The following CTH variants were observed in gnomAD, a reference collection of about 807,000 sequenced individuals.
The protein encoded by CTH is cystathionase (cystathionine gamma-lyase).
Under a neutral mutation model 50.6 loss-of-function variants are expected in CTH, and 41 were observed. That is an observed-to-expected ratio of 0.81 (90% CI 0.63 to 1.05). The LOEUF is 1.05. Among genes scored for constraint, CTH ranks in the 50% least tolerant of loss-of-function variants. The pLI is 0.00. For synonymous variants in CTH, 156 were observed against 168.9 expected, an observed-to-expected ratio of 0.92 and a Z score of 0.59; for missense variants, 470 against 492.6, an observed-to-expected ratio of 0.95 and a Z score of 0.43.
rs1557477215 is a variant in CTH, at chr1:70,439,649, TA to T, written c.*529del. On this transcript the variant is annotated 3_prime_UTR_variant, in exon 12 of 12. Transcript: ENST00000370938. The stretch of plus-strand genomic sequence containing the variant: ...GATTTAAGACTATACTTAATATTTT[TA>T]AAAAAATAAATCAGCTGGGCGCGGT... 6.4e-6 allele frequency: 1 copy of T among 156,544 alleles called. No homozygotes were observed. Among genetic ancestry groups the T allele is most frequent in the Non-Finnish European group, 1.4e-5 (1 of 70,938 alleles). The allele number at this position is 156,544 out of a possible 1,614,324, so 9.7% of individuals were successfully genotyped here.
chr1:70,411,673 A>G (rs1683968626), intron 1 of CTH, 90 bp downstream of exon 1: 1 of 1,523,386 alleles, frequency 6.6e-7, no homozygotes, highest in African/African-American at 1.4e-5. Flanking sequence ...AATTTATAAT[A>G]TGACTTATAA....
chr1:70,423,519 T>C (rs999442152), intron 4 of CTH, among the ~76,000 whole-genome samples: 6 of 151,834 alleles, frequency 4.0e-5, no homozygotes, highest in Non-Finnish European at 5.9e-5. Flanking sequence ...TGCCGTTAGC[T>C]GTGATCATGC....
At chr1:70,420,934 T>C (rs936935847) in intron 3 of CTH, among the ~76,000 whole-genome samples, 1 of 151,992 alleles carries the variant, frequency 6.6e-6, no homozygotes, top group Admixed American at 6.6e-5. Flanking sequence ...GAATATTCTT[T>C]TGTTGTTGTT....
chr1:70,428,839 A>G (rs1226166261), intron 5 of CTH, among the ~76,000 whole-genome samples: 2 of 151,930 alleles, frequency 1.3e-5, no homozygotes, highest in African/African-American at 4.8e-5. Flanking sequence ...GCTCAAACTC[A>G]TGGCCTCAAG....
At chr1:70,436,366 T>A (rs1022053630) in intron 10 of CTH, among the ~76,000 whole-genome samples, 2 of 152,066 alleles carry the variant, frequency 1.3e-5, no homozygotes, top group African/African-American at 4.8e-5. Context: ...TTAATGATTA[T>A]CATTTATTGA....
In CTH at chr1:70,430,294, G is replaced by C. The variant is rs531411011; in HGVS notation, c.647-23G>C. The C allele has an allele frequency of 1.6e-5, 22 of 1,409,146 alleles. No homozygotes were observed. The South Asian group carries it at 2.4e-4, about 16-fold the overall frequency. The allele number at this position is 1,409,146 out of a possible 1,614,324, so 87.3% of individuals were successfully genotyped here. Reference sequence around the variant, plus strand: ...TTGTTTCTAACTGAAATTTTTGTTTGTTTGTTTGTTTTTTGTTTTTAGGCC... The same window carrying C: ...TTGTTTCTAACTGAAATTTTTGTTTCTTTGTTTGTTTTTTGTTTTTAGGCC... On this transcript the variant is annotated intron_variant, in intron 6 of 11. Coordinates refer to ENST00000370938, the MANE Select transcript of CTH (RefSeq NM_001902.6).
intron 3 of CTH, among the ~76,000 whole-genome samples, chr1:70,421,283 G>A (rs1432367048): frequency 6.6e-6 from 1 of 152,176 alleles, no homozygotes; most frequent in East Asian, 1.9e-4. Flanking sequence ...CAGGAAGCAT[G>A]TCACTTAGTG....
chr1:70,413,824 C>T (rs1684028820), intron 1 of CTH, among the ~76,000 whole-genome samples: 1 of 149,688 alleles, frequency 6.7e-6, no homozygotes, highest in South Asian at 2.1e-4. Context: ...CCACTGCATC[C>T]TCCACCTCCT....
chr1:70,438,841 T>TGTGC lies in CTH; in HGVS notation c.1191+18_1191+19insCGTG, dbSNP rs1553128289. The TGTGC allele has an allele frequency of 9.0e-7, 1 of 1,108,342 alleles. No homozygotes were observed. Among genetic ancestry groups the TGTGC allele is most frequent in the South Asian group, 1.4e-5 (1 of 70,390 alleles). The allele number at this position is 1,108,342 out of a possible 1,614,324, so 68.7% of individuals were successfully genotyped here. On this transcript the variant is annotated intron_variant, in intron 11 of 11. Coordinates refer to ENST00000370938, the MANE Select transcript of CTH (RefSeq NM_001902.6). ...TGAAGGCAGCAGTAAGTCTTATTAT[T>TGTGC]GTGTGTGTGTGTGTGTGTGTGTGTG... is the stretch of plus-strand genomic sequence containing the variant.
intron 11 of CTH, 135 bp from the exon 12 acceptor site, chr1:70,438,966 T>A: frequency 6.4e-7 from 1 of 1,568,198 alleles, no homozygotes; most frequent in South Asian, 1.1e-5. Flanking sequence ...ACCAGGTGTA[T>A]AAATAAACGT....
chr1:70,437,885 T>A (rs116767084), intron 10 of CTH, among the ~76,000 whole-genome samples: 2 of 152,232 alleles, frequency 1.3e-5, no homozygotes, highest in Non-Finnish European at 2.9e-5. Flanking sequence ...CTCTCCTCCA[T>A]TATTCTTCAC....
At chr1:70,421,026 A>T (rs1263422217) in intron 3 of CTH, among the ~76,000 whole-genome samples, 4 of 152,134 alleles carry the variant, frequency 2.6e-5, no homozygotes, top group Non-Finnish European at 5.9e-5. Context: ...ATAAAAAATT[A>T]TTTTAAGTCA....
chr1:70,423,695 GAT>G (rs1377760355), intron 4 of CTH, among the ~76,000 whole-genome samples: 6 of 152,276 alleles, frequency 3.9e-5, no homozygotes, highest in Admixed American at 3.3e-4. Context: ...TAGGTTTTGA[GAT>G]ATAAAGGTCA....
chr1:70,411,732 C>G (rs1158949066), intron 1 of CTH, 149 bp downstream of exon 1: 2 of 1,410,564 alleles, frequency 1.4e-6, no homozygotes, highest in Admixed American at 5.5e-5. Flanking sequence ...TCTTGCAGCA[C>G]AGCTTTGTAT....
At chr1:70,420,703 G>A (rs1034719188) in intron 3 of CTH, among the ~76,000 whole-genome samples, 5 of 152,130 alleles carry the variant, frequency 3.3e-5, no homozygotes, top group South Asian at 2.1e-4. Context: ...ACAATGTTTC[G>A]TATTTTATCT....
intron 5 of CTH, 92 bp downstream of exon 5, chr1:70,424,508 CA>C (rs1684303216): frequency 1.5e-5 from 23 of 1,576,426 alleles, no homozygotes; most frequent in Non-Finnish European, 2.0e-5. Flanking sequence ...AAATCATGAT[CA>C]AATTCATGAA....
Position 70,418,742 on chromosome 1 carries a change from C to G in CTH, c.346+710C>G, listed in dbSNP as rs541874857. 7.1e-4 allele frequency among the ~76,000 whole-genome samples: 108 copies of G among 152,214 alleles called. 2 individuals carry two copies. Among genetic ancestry groups the G allele is most frequent in the Non-Finnish European group, 1.3e-3 (90 of 68,014 alleles). On this transcript the variant is annotated intron_variant, in intron 3 of 11. Transcript: ENST00000370938. The stretch of plus-strand genomic sequence containing the variant: ...TCAAGAGTTCAACCCCACACATCCC[C>G]TTTTGCTTTTTATTTTTTGTTTGGC...
Position 70,430,317 on chromosome 1 carries a change from G to T in CTH, c.647G>T (p.Gly216Val), listed in dbSNP as rs776888474. Residue 216 changes from glycine to valine, a missense_variant and splice_region_variant, in exon 7 of 12, where the codon GGC (glycine) becomes GTC (valine). Physicochemically the swap from Gly to Val is moderately radical, Grantham distance 109. Transcript: ENST00000370938. Reference sequence around the variant, plus strand: ...TTGTTTGTTTGTTTTTTGTTTTTAGGCCACAGTGATGTTGTAATGGGCCTG... The same window carrying T: ...TTGTTTGTTTGTTTTTTGTTTTTAGTCCACAGTGATGTTGTAATGGGCCTG... ...SMYSATKYMN[G>V]HSDVVMGLVS... 6.4e-7 allele frequency: 1 copy of T among 1,563,224 alleles called. No homozygotes were observed. Among genetic ancestry groups the T allele is most frequent in the Non-Finnish European group, 8.8e-7 (1 of 1,134,504 alleles).
chr1:70,418,169 GCT>G (rs1396555067), intron 3 of CTH, 137 bp downstream of exon 3: 6 of 1,006,514 alleles, frequency 6.0e-6, no homozygotes, highest in Non-Finnish European at 9.0e-6. Flanking sequence ...GTACCTCTAT[GCT>G]CTCTCAGACT....
Sources: allele counts gnomAD v4.1 joint callset (sites outside exome capture counted in the v4.1 genomes callset), GRCh38; gene constraint gnomAD v4.1.1; transcripts MANE v1.5; gene names NCBI Gene and HGNC (gene_info 2026-07-23, HGNC 2026-07-21).